VAPA: variants seen among roughly 807,000 people sequenced by gnomAD.
VAPA encodes vesicle-associated membrane protein-associated protein A.
Under a neutral mutation model 25.6 loss-of-function variants are expected in VAPA, and 6 were observed. The ratio of observed to expected loss-of-function variants is 0.23; its 90% CI spans 0.13 to 0.46. VAPA has a LOEUF of 0.46. Among genes scored for constraint, VAPA ranks in the 20% least tolerant of loss-of-function variants. VAPA has a pLI of 0.99. For synonymous variants in VAPA, 112 were observed against 106.2 expected, an observed-to-expected ratio of 1.05 and a Z score of -0.34; for missense variants, 244 against 302.1, an observed-to-expected ratio of 0.81 and a Z score of 1.43.
Position 9,955,981 on chromosome 18 carries a change from C to A in VAPA, c.*1770C>A, listed in dbSNP as rs539484305. On this transcript the variant is annotated 3_prime_UTR_variant, in exon 6 of 6. Transcript: ENST00000400000. ...CCCATAAATGCAGAATCAGTAATTC[C>A]TTGGCTTAAAGCTCTTATATAATCA... 7.2e-5 allele frequency: 11 copies of A among 152,282 alleles called. 1 individual carries two copies. The highest frequency in any genetic ancestry group is 7.2e-4 in the Admixed American group (11 of 15,300). 9.4% of individuals were successfully genotyped at this position (152,282 alleles called of 1,614,324 possible).
Position 9,945,350 on chromosome 18 carries a change from C to CTTTTTT in VAPA, c.418-5022_418-5017dup, listed in dbSNP as rs869048248. Among the ~76,000 whole-genome samples the CTTTTTT allele has an allele frequency of 4.0e-3, 230 of 57,306 alleles. 50 individuals carry two copies. Among genetic ancestry groups the CTTTTTT allele is most frequent in the South Asian group, 6.9e-3 (7 of 1,020 alleles). The allele number at this position is 57,306 out of a possible 152,430, so 37.6% of individuals were successfully genotyped here. A position where few individuals can be genotyped will look rare whatever the true frequency, so the allele number is the denominator to read the frequency against. On this transcript the variant is annotated intron_variant, in intron 4 of 5. Transcript: ENST00000400000. ...TTCTTTGAGATTTGGGGAATATACTCTTTTTTTTTTTTTTTTTTTTTTTTT... is the reference window on the plus strand; with the variant it reads ...TTCTTTGAGATTTGGGGAATATACTCTTTTTTTTTTTTTTTTTTTTTTTTTTTTTTT...
chr18:9,945,350 CTTTTTTTT>C (rs869048248), intron 4 of VAPA, among the ~76,000 whole-genome samples: 22 of 57,306 alleles, frequency 3.8e-4, no homozygotes, highest in East Asian at 1.2e-3. Context: ...GGAATATACT[CTTTTTTTT>C]TTTTTTTTTT....
At chr18:9,938,775 T>C (rs2069336513) in intron 4 of VAPA, among the ~76,000 whole-genome samples, 1 of 152,224 alleles carries the variant, frequency 6.6e-6, no homozygotes, top group Non-Finnish European at 1.5e-5. Flanking sequence ...AAAGATAATT[T>C]TTAAGATTTA....
intron 4 of VAPA, among the ~76,000 whole-genome samples, chr18:9,945,954 C>T (rs74441235): frequency 0.02 from 2,990 of 152,236 alleles, 44 homozygotes; most frequent in Non-Finnish European, 0.03. Flanking sequence ...AGCCTTTTAA[C>T]TCCCTTTATG....
chr18:9,914,054 G>C lies in VAPA; in HGVS notation c.-203G>C, dbSNP rs982821728. On this transcript the variant is annotated 5_prime_UTR_variant, in exon 1 of 6. Transcript: ENST00000400000. ...GCGCGTGGCCGTGGCGGCTGGTGTG[G>C]GGTTGAGTCAGTTGTGGGACCCGGA... 1.2e-5 allele frequency: 6 copies of C among 505,114 alleles called. No individual in the cohort carries two copies. In the African/African-American group the frequency reaches 1.2e-4, roughly 10 times the overall value. 31.3% of individuals were successfully genotyped at this position (505,114 alleles called of 1,614,324 possible). A position where few individuals can be genotyped will look rare whatever the true frequency, so the allele number is the denominator to read the frequency against.
At chr18:9,944,876 A>C in intron 4 of VAPA, 1 of 1,593,354 alleles carries the variant, frequency 6.3e-7, no homozygotes, top group Non-Finnish European at 8.6e-7. Context: ...TGCAGAAGAA[A>C]TCAGAGTTCG....
chr18:9,942,866 G>T (rs1277807507), intron 4 of VAPA, among the ~76,000 whole-genome samples: 2 of 152,066 alleles, frequency 1.3e-5, no homozygotes. Context: ...TTCCCACCAG[G>T]TTCCACCTCC....
chr18:9,941,332 A>G (rs1204574879), intron 4 of VAPA, among the ~76,000 whole-genome samples: 1 of 152,212 alleles, frequency 6.6e-6, no homozygotes. Context: ...TTAGTTGATT[A>G]TGTGACTTTC....
At chr18:9,925,000 G>C (rs29206) in intron 1 of VAPA, 17,156 of 151,940 alleles carry the variant, frequency 0.11, 1,117 homozygotes, top group African/African-American at 0.17. Context: ...ATTTAGGTAC[G>C]TGTTTATGTA....
intron 1 of VAPA, 66 bp downstream of exon 1, chr18:9,914,401 G>A (rs912156072): frequency 1.5e-5 from 22 of 1,426,832 alleles, no homozygotes; most frequent in East Asian, 3.0e-5. Context: ...CGGCGGGGGG[G>A]CGCGGAGGGC....
chr18:9,939,063 C>T (rs1170021645), intron 4 of VAPA, among the ~76,000 whole-genome samples: 3 of 152,060 alleles, frequency 2.0e-5, no homozygotes, highest in Non-Finnish European at 2.9e-5. Flanking sequence ...TTTAGTATAT[C>T]CTTAATATCA....
intron 4 of VAPA, chr18:9,948,305 G>A (rs890443211): frequency 6.6e-6 from 1 of 152,082 alleles, no homozygotes; most frequent in Non-Finnish European, 1.5e-5. Context: ...AAATTTGAAA[G>A]AATGGAAAGC....
rs2069580841 is a variant in VAPA, at chr18:9,959,153, A to G, written c.*4942A>G. The G allele has an allele frequency of 6.6e-6, 1 of 152,178 alleles. No homozygotes were observed. Among genetic ancestry groups the G allele is most frequent in the African/African-American group, 2.4e-5 (1 of 41,438 alleles). 9.4% of individuals were successfully genotyped at this position (152,178 alleles called of 1,614,324 possible). ...TGAAGTAGCAGAGAAAGTGGGATCT[A>G]GATGGTCTGATCCTAGTGATCTACC... On this transcript the variant is annotated 3_prime_UTR_variant, in exon 6 of 6. Transcript: ENST00000400000.
chr18:9,942,473 C>T (rs559364920), intron 4 of VAPA, among the ~76,000 whole-genome samples: 14 of 110,392 alleles, frequency 1.3e-4, no homozygotes, highest in African/African-American at 4.8e-4. Context: ...CTTCCCCAGC[C>T]CCCCCTTCCT....
intron 4 of VAPA, among the ~76,000 whole-genome samples, chr18:9,946,196 G>T (rs191759523): frequency 6.6e-6 from 1 of 152,176 alleles, no homozygotes; most frequent in Non-Finnish European, 1.5e-5. Context: ...TAAGGATGGG[G>T]ATATATATTG....
intron 5 of VAPA, among the ~76,000 whole-genome samples, chr18:9,952,070 C>T (rs1025634966): frequency 9.2e-5 from 14 of 152,154 alleles, no homozygotes; most frequent in Admixed American, 5.2e-4. Flanking sequence ...CAATAGATTT[C>T]TTTCAAAAGC....
At chr18:9,930,710 T>A (rs1249299011) in intron 1 of VAPA, among the ~76,000 whole-genome samples, 1 of 151,360 alleles carries the variant, frequency 6.6e-6, no homozygotes, top group Non-Finnish European at 1.5e-5. Context: ...AAAAAAAAAA[T>A]GCAGACCTGT....
chr18:9,936,347 A>C (rs1567897015), intron 3 of VAPA, 134 bp downstream of exon 3: 1 of 497,724 alleles, frequency 2.0e-6, no homozygotes, highest in Non-Finnish European at 3.6e-6. Context: ...CAATTTCTTC[A>C]TTATAGATAA....
chr18:9,959,197 G>A lies in VAPA; in HGVS notation c.*4986G>A, dbSNP rs2069581237. 6.6e-6 allele frequency: 1 copy of A among 152,196 alleles called. No homozygotes were observed. The highest frequency in any genetic ancestry group is 1.5e-5 in the Non-Finnish European group (1 of 68,030). 9.4% of individuals were successfully genotyped at this position (152,196 alleles called of 1,614,324 possible). A position where few individuals can be genotyped will look rare whatever the true frequency, so the allele number is the denominator to read the frequency against. Reference sequence around the variant, plus strand: ...ATCTACCATATGAAGGACATAGTTTGTGTCCTGGTCCAAGTCAAATATTGA... The same window carrying A: ...ATCTACCATATGAAGGACATAGTTTATGTCCTGGTCCAAGTCAAATATTGA... On this transcript the variant is annotated 3_prime_UTR_variant, in exon 6 of 6. Transcript: ENST00000400000.
Sources: allele counts gnomAD v4.1 joint callset (sites outside exome capture counted in the v4.1 genomes callset), GRCh38; gene constraint gnomAD v4.1.1; transcripts MANE v1.5; gene names NCBI Gene and HGNC (gene_info 2026-07-23, HGNC 2026-07-21).